The following DAB2IP variants were observed in gnomAD, a reference collection of about 807,000 sequenced individuals.
DAB2IP encodes disabled homolog 2-interacting protein.
In DAB2IP, 28 loss-of-function variants were observed where a neutral mutation model predicts 107.2. That is an observed-to-expected ratio of 0.26 (90% confidence interval 0.19 to 0.36). The LOEUF is 0.36. Among genes scored for constraint, DAB2IP ranks in the 10% least tolerant of loss-of-function variants. The pLI, the probability that DAB2IP is intolerant of heterozygous loss-of-function variation, is 1.00. For synonymous variants in DAB2IP, 755 were observed against 706.4 expected (o/e 1.07, Z -1.09); for missense variants, 1,400 against 1,644.7 (o/e 0.85, Z 2.57).
intron 2 of DAB2IP, among the ~76,000 whole-genome samples, chr9:121,693,197 C>T (rs141076071): frequency 1.1e-3 from 173 of 152,320 alleles, no homozygotes; most frequent in African/African-American, 3.8e-3. Context: ...CGCCTGGTGA[C>T]GCTGGGCAGG....
At chr9:121,683,994 C>T (rs1828731217) in intron 2 of DAB2IP, among the ~76,000 whole-genome samples, 1 of 152,084 alleles carries the variant, frequency 6.6e-6, no homozygotes, top group Non-Finnish European at 1.5e-5. Context: ...CTGCAGGATA[C>T]AAGAACCACA....
intron 3 of DAB2IP, among the ~76,000 whole-genome samples, chr9:121,750,404 C>G (rs1037289392): frequency 1.2e-4 from 18 of 152,218 alleles, no homozygotes; most frequent in Non-Finnish European, 2.5e-4. Context: ...ATTACCCTGG[C>G]AGCCCTAGCC....
chr9:121,629,430 C>T (rs1390121513), intron 1 of DAB2IP, among the ~76,000 whole-genome samples: 2 of 152,150 alleles, frequency 1.3e-5, no homozygotes, highest in Non-Finnish European at 2.9e-5. Flanking sequence ...TCATGGCGCC[C>T]TTTCTTCCTG....
chr9:121,671,066 G>A (rs1052649403), intron 1 of DAB2IP, among the ~76,000 whole-genome samples: 7 of 152,152 alleles, frequency 4.6e-5, no homozygotes, highest in Non-Finnish European at 1.0e-4. Flanking sequence ...CAGGAGAACC[G>A]CTTGAACCTG....
intron 3 of DAB2IP, among the ~76,000 whole-genome samples, chr9:121,738,421 G>GT (rs374542007): frequency 1.8e-4 from 28 of 151,670 alleles, no homozygotes; most frequent in Non-Finnish European, 2.5e-4. Flanking sequence ...AAAGTAAAGG[G>GT]TTTTTTTTTC....
At chr9:121,717,168 G>C (rs1281133642) in intron 3 of DAB2IP, among the ~76,000 whole-genome samples, 1 of 152,192 alleles carries the variant, frequency 6.6e-6, no homozygotes, top group East Asian at 1.9e-4. Flanking sequence ...CTCATGGTAG[G>C]AATTACCAAC....
At chr9:121,741,032 C>G (rs537670422) in intron 3 of DAB2IP, among the ~76,000 whole-genome samples, 1 of 152,268 alleles carries the variant, frequency 6.6e-6, no homozygotes, top group East Asian at 1.9e-4. Flanking sequence ...GCACCCAGGT[C>G]TCCTACTACC....
intron 3 of DAB2IP, chr9:121,742,732 C>T (rs1832444062): frequency 1.0e-6 from 1 of 985,590 alleles, no homozygotes; most frequent in South Asian, 4.7e-5. Context: ...GCCTTTTCTT[C>T]CCCGCATCCT....
At chr9:121,783,758 C>T (rs1324285829) in exon 16 of DAB2IP, 3 of 655,634 alleles carry the variant, frequency 4.6e-6, no homozygotes, top group Non-Finnish European at 7.9e-6. Context: ...AGGGGAGGGG[C>T]GCACCCCACA....
At chr9:121,676,278 C>G (rs911783193) in intron 1 of DAB2IP, among the ~76,000 whole-genome samples, 3 of 152,196 alleles carry the variant, frequency 2.0e-5, no homozygotes, top group Non-Finnish European at 2.9e-5. Flanking sequence ...ACACAGTGCC[C>G]CAGCATCCTG....
At chr9:121,759,393 G>A (rs1833725089) in intron 5 of DAB2IP, among the ~76,000 whole-genome samples, 1 of 152,240 alleles carries the variant, frequency 6.6e-6, no homozygotes, top group Non-Finnish European at 1.5e-5. Flanking sequence ...TGTTCCCACT[G>A]CCCCTGGGCT....
chr9:121,640,978 A>C (rs1263151362), intron 1 of DAB2IP, among the ~76,000 whole-genome samples: 2 of 152,220 alleles, frequency 1.3e-5, no homozygotes, highest in Non-Finnish European at 2.9e-5. Flanking sequence ...CTTTGGTGAC[A>C]GGCTAAAGGG....
intron 3 of DAB2IP, among the ~76,000 whole-genome samples, chr9:121,750,337 G>A (rs1349874542): frequency 1.3e-5 from 2 of 152,216 alleles, no homozygotes; most frequent in Non-Finnish European, 2.9e-5. Context: ...GCGCGTGTGT[G>A]TGTGTGTTTA....
intron 1 of DAB2IP, among the ~76,000 whole-genome samples, chr9:121,676,456 G>T (rs554377528): frequency 1.3e-5 from 2 of 152,112 alleles, no homozygotes; most frequent in Non-Finnish European, 2.9e-5. Context: ...GGGCATTACC[G>T]TCTCACTCCA....
At chr9:121,572,208 G>A (rs538078207) in intron 1 of DAB2IP, among the ~76,000 whole-genome samples, 11 of 152,212 alleles carry the variant, frequency 7.2e-5, no homozygotes, top group East Asian at 1.9e-4. Flanking sequence ...CGTGGGTACC[G>A]TCCTCCTACC....
intron 1 of DAB2IP, among the ~76,000 whole-genome samples, chr9:121,602,552 C>T (rs1830719179): frequency 6.8e-6 from 1 of 147,846 alleles, no homozygotes; most frequent in Non-Finnish European, 1.5e-5. Flanking sequence ...TGCCACCATG[C>T]TCAGCCAATT....
At chr9:121,716,839 G>A (rs991214274) in intron 3 of DAB2IP, among the ~76,000 whole-genome samples, 1 of 152,204 alleles carries the variant, frequency 6.6e-6, no homozygotes, top group African/African-American at 2.4e-5. Context: ...GTTTCCCATG[G>A]TCAACCCTGC....
In DAB2IP at chr9:121,675,241, C is replaced by T. The variant is rs575104273; in HGVS notation, c.125-3437C>T. On this transcript the variant is annotated intron_variant, in intron 1 of 15. Coordinates refer to ENST00000408936, the Ensembl canonical transcript of DAB2IP. ...CCAGAGCTCAAAGGATGACAGTTCC[C>T]GCAGGAGGCCATTCCAGGGAAGAGA... Among the ~76,000 whole-genome samples the T allele has an allele frequency of 2.6e-4, 39 of 152,206 alleles. 1 individual carries two copies. The South Asian group carries it at 6.0e-3, about 24-fold the overall frequency.
At chr9:121,678,565 T>C in intron 1 of DAB2IP, 113 bp from the exon 2 acceptor site, 1 of 897,012 alleles carries the variant, frequency 1.1e-6, no homozygotes, top group Non-Finnish European at 1.5e-6. Flanking sequence ...GCCTGGACCA[T>C]TTTCTAGGGA....
Sources: allele counts gnomAD v4.1 joint callset (sites outside exome capture counted in the v4.1 genomes callset), GRCh38; gene constraint gnomAD v4.1.1; transcripts MANE v1.5; gene names NCBI Gene and HGNC (gene_info 2026-07-23, HGNC 2026-07-21).